Variants in ATP7A observed in about 807,000 individuals in gnomAD.
ATP7A encodes the protein ATPase copper transporting alpha, also known as copper-transporting ATPase 1.
In ATP7A, 7 loss-of-function variants were observed where a neutral mutation model predicts 83.5. That is an observed-to-expected ratio of 0.08 (90% confidence interval 0.05 to 0.16). The LOEUF (loss-of-function observed/expected upper bound fraction) is 0.16. ATP7A is among the 10% of genes least tolerant of loss of function. ATP7A has a pLI of 1.00. For synonymous variants in ATP7A, 354 were observed against 395.2 expected, an observed-to-expected ratio of 0.90 and a Z score of 1.24; for missense variants, 940 against 1,120.8, an observed-to-expected ratio of 0.84 and a Z score of 2.30.
chrX:77,911,924 A>G (rs1569548590), intron 1 of ATP7A, among the ~76,000 whole-genome samples: 1 of 112,226 alleles, frequency 8.9e-6, no homozygotes, highest in Non-Finnish European at 1.9e-5. Flanking sequence ...AGCCTGGGCT[A>G]CAAGAGCGAA....
intron 1 of ATP7A, among the ~76,000 whole-genome samples, chrX:77,917,961 A>C (rs902343790): frequency 1.4e-4 from 16 of 111,455 alleles, no homozygotes; most frequent in African/African-American, 4.6e-4. Flanking sequence ...GCATGAATGG[A>C]TTGTCAAATG....
intron 22 of ATP7A, 51 bp downstream of exon 22, chrX:78,045,623 T>A: frequency 9.7e-7 from 1 of 1,027,551 alleles, no homozygotes; most frequent in Non-Finnish European, 1.4e-6. Context: ...TGTTATCATC[T>A]AGTCATTCTT....
Position 78,042,861 on chromosome X carries a change from A to G in ATP7A, c.4005+73A>G, listed in dbSNP as rs782365464. 9.4e-4 allele frequency: 990 copies of G among 1,056,437 alleles called. 1 individual carries two copies. The highest frequency in any genetic ancestry group is 1.2e-3 in the Non-Finnish European group (919 of 756,683). The allele number at this position is 1,056,437 out of a possible 1,213,427, so 87.1% of individuals were successfully genotyped here. A position where few individuals can be genotyped will look rare whatever the true frequency, so the allele number is the denominator to read the frequency against. ...GGTCAATGATAATGTCATAAAGTAT[A>G]TTGAGCATAACAATTCTGTCTTAAG... On this transcript the variant is annotated intron_variant, in intron 20 of 22. Transcript: ENST00000341514.
At chrX:77,917,671 T>C (rs372417409) in intron 1 of ATP7A, among the ~76,000 whole-genome samples, 1 of 112,484 alleles carries the variant, frequency 8.9e-6, no homozygotes, top group African/African-American at 3.2e-5. Context: ...TTGTTTCTAG[T>C]TGCGTTTAAT....
chrX:77,924,770 C>T (rs1557223432), intron 1 of ATP7A: 1 of 111,786 alleles, frequency 8.9e-6, no homozygotes, highest in African/African-American at 3.3e-5. Context: ...CGGCTCACTG[C>T]AACTTCTGCC....
intron 2 of ATP7A, among the ~76,000 whole-genome samples, chrX:77,978,227 T>C (rs529400788): frequency 1.1e-4 from 12 of 110,506 alleles, no homozygotes; most frequent in African/African-American, 4.0e-4. Flanking sequence ...TAAGGGGAGG[T>C]TGAGTTGGGG....
intron 9 of ATP7A, 116 bp from the exon 10 acceptor site, chrX:78,012,763 G>A: frequency 4.7e-6 from 3 of 644,886 alleles, no homozygotes; most frequent in Non-Finnish European, 7.5e-6. Context: ...TCCCTTTAGT[G>A]TTTATGGATT....
intron 5 of ATP7A, among the ~76,000 whole-genome samples, chrX:78,000,627 A>G (rs1175417926): frequency 9.3e-6 from 1 of 107,149 alleles, no homozygotes; most frequent in African/African-American, 3.3e-5. Flanking sequence ...TATGTTATAT[A>G]TAAATATATA....
intron 1 of ATP7A, among the ~76,000 whole-genome samples, chrX:77,940,102 G>A (rs1299875638): frequency 9.1e-6 from 1 of 109,861 alleles, no homozygotes; most frequent in African/African-American, 3.3e-5. Flanking sequence ...ATGACAAGGG[G>A]GATGTGCCTT....
chrX:77,982,035 A>AT (rs1466299725), intron 2 of ATP7A, among the ~76,000 whole-genome samples: 1 of 111,581 alleles, frequency 9.0e-6, no homozygotes, highest in African/African-American at 3.2e-5. Context: ...AATACATTAT[A>AT]TTTTTCAGCA....
At position 78,011,529 on chromosome X, in the gene ATP7A, A is replaced by G; in HGVS notation, c.2027A>G (p.His676Arg). 1.7e-6 allele frequency: 2 copies of G among 1,210,761 alleles called. No homozygotes were observed. The highest frequency in any genetic ancestry group is 2.2e-6 in the Non-Finnish European group (2 of 894,895). Residue 676 changes from histidine to arginine, a missense_variant, in exon 9 of 23, where the codon CAC becomes CGC. Physicochemically the swap from His to Arg is conservative, Grantham distance 29 (BLOSUM62 0). Coordinates refer to ENST00000341514, the MANE Select transcript of ATP7A (RefSeq NM_000052.7). ...GLMIYMMVMD[H>R]HFATLHHNQN... The stretch of plus-strand genomic sequence containing the variant: ...ATGATATATATGATGGTTATGGACC[A>G]CCACTTTGCAACTCTTCACCATAAT...
intron 14 of ATP7A, among the ~76,000 whole-genome samples, chrX:78,023,393 G>A (rs1176336417): frequency 8.9e-6 from 1 of 112,491 alleles, no homozygotes; most frequent in Non-Finnish European, 1.9e-5. Flanking sequence ...TTCCGTAGAG[G>A]TTGAACTGAT....
intron 9 of ATP7A, 60 bp from the exon 10 acceptor site, chrX:78,012,819 G>A (rs1363504672): frequency 7.2e-5 from 70 of 969,669 alleles, no homozygotes; most frequent in Non-Finnish European, 1.0e-4. Context: ...AAGTTATTGA[G>A]ATATATATGT....
At chrX:77,982,325 C>G (rs2077609533) in intron 2 of ATP7A, among the ~76,000 whole-genome samples, 1 of 111,701 alleles carries the variant, frequency 9.0e-6, no homozygotes, top group African/African-American at 3.3e-5. Flanking sequence ...TCTGAAGATT[C>G]CCACACTGAG....
intron 19 of ATP7A, among the ~76,000 whole-genome samples, chrX:78,041,511 G>A (rs1264460830): frequency 3.6e-5 from 4 of 109,738 alleles, no homozygotes; most frequent in Non-Finnish European, 7.6e-5. Flanking sequence ...CGGACCTCAG[G>A]TGATCCGCCC....
chrX:78,016,345 C>A (rs1283659636), intron 12 of ATP7A, among the ~76,000 whole-genome samples: 1 of 111,048 alleles, frequency 9.0e-6, no homozygotes, highest in Non-Finnish European at 1.9e-5. Context: ...CTCCCCTCCT[C>A]GACATGTGGG....
At position 78,021,220 on chromosome X, in the gene ATP7A, A is replaced by G. The variant is rs1390722695; in HGVS notation, c.2916+141A>G. On this transcript the variant is annotated intron_variant, in intron 14 of 22. Transcript: ENST00000341514. ...GGAGAGTGATAAGAATAATATTTGCATTTTTATAAATATAAAAAATTTCCT... is the reference window on the plus strand; with the variant it reads ...GGAGAGTGATAAGAATAATATTTGCGTTTTTATAAATATAAAAAATTTCCT... 4.4e-6 allele frequency: 3 copies of G among 682,681 alleles called. No homozygotes were observed. The East Asian group carries it at 1.2e-4, about 26-fold the overall frequency. The allele number at this position is 682,681 out of a possible 1,213,427, so 56.3% of individuals were successfully genotyped here.
At chrX:78,025,037 C>T (rs782084747) in intron 14 of ATP7A, among the ~76,000 whole-genome samples, 6 of 111,362 alleles carry the variant, frequency 5.4e-5, no homozygotes, top group African/African-American at 2.0e-4. Context: ...ACCTCTGCAC[C>T]CTAAACCCTA....
rs782816193 is a variant in ATP7A at position 77,933,755 on chromosome X, A to G, written c.-22+22920A>G. On this transcript the variant is annotated intron_variant, in intron 1 of 22. Coordinates refer to ENST00000341514, the MANE Select transcript of ATP7A (RefSeq NM_000052.7). Reference sequence around the variant, plus strand: ...GTCACTATCTCAGCCACCCATGTGGACAATCTGTGATCGACCTAACCATTG... The same window carrying G: ...GTCACTATCTCAGCCACCCATGTGGGCAATCTGTGATCGACCTAACCATTG... Among the ~76,000 whole-genome samples the G allele has an allele frequency of 3.6e-3, 402 of 112,519 alleles. 1 individual carries two copies. The highest frequency in any genetic ancestry group is 5.5e-3 in the Non-Finnish European group (291 of 53,319).
Sources: gnomAD v4.1 joint callset for allele counts (sites outside exome capture counted in the v4.1 genomes callset) on GRCh38, gnomAD v4.1.1 for gene constraint, MANE v1.5 for transcripts, NCBI Gene and HGNC (gene_info 2026-07-23, HGNC 2026-07-21) for gene names.